The following LMX1A variants were observed in gnomAD, a reference collection of about 807,000 sequenced individuals.
LMX1A encodes LIM homeobox transcription factor 1 alpha.
Under a neutral mutation model 49.1 loss-of-function variants are expected in LMX1A, and 15 were observed. That is an observed-to-expected ratio of 0.31 (90% CI 0.20 to 0.47). LMX1A has a LOEUF of 0.47. Ranked by LOEUF, LMX1A falls within the 20% of genes least tolerant of loss-of-function variation. The probability of loss-of-function intolerance (pLI) is 1.00; values close to 1 mark genes in which losing one functional copy is unlikely to be tolerated. For synonymous variants in LMX1A, 167 were observed against 185.7 expected (o/e 0.90, Z 0.82); for missense variants, 372 against 475.8 (o/e 0.78, Z 2.03).
chr1:165,265,279 A>C (rs1456859059), intron 3 of LMX1A, among the ~76,000 whole-genome samples: 1 of 152,042 alleles, frequency 6.6e-6, no homozygotes, highest in Non-Finnish European at 1.5e-5. Flanking sequence ...TTCAGGTTCC[A>C]AGTTACAATT....
intron 3 of LMX1A, among the ~76,000 whole-genome samples, chr1:165,290,442 G>T (rs562301638): frequency 1.5e-5 from 1 of 67,222 alleles, no homozygotes; most frequent in African/African-American, 4.2e-5. Flanking sequence ...CATTGCCTTC[G>T]TGTGTGTGTG....
At chr1:165,313,107 G>T (rs1195053756) in intron 3 of LMX1A, among the ~76,000 whole-genome samples, 1 of 152,158 alleles carries the variant, frequency 6.6e-6, no homozygotes, top group Non-Finnish European at 1.5e-5. Flanking sequence ...TATGCCAATT[G>T]GAAACAATAT....
At chr1:165,311,532 C>T (rs1276023870) in intron 3 of LMX1A, among the ~76,000 whole-genome samples, 1 of 152,298 alleles carries the variant, frequency 6.6e-6, no homozygotes, top group Non-Finnish European at 1.5e-5. Context: ...CACCCTCATG[C>T]CCCTGAAGCT....
intron 5 of LMX1A, among the ~76,000 whole-genome samples, chr1:165,212,497 C>A (rs1214732932): frequency 8.1e-6 from 1 of 124,182 alleles, no homozygotes; most frequent in Non-Finnish European, 1.7e-5. Context: ...TTGTTGGGAA[C>A]CATGGTGACT....
chr1:165,281,390 A>C (rs1189659580), intron 3 of LMX1A, among the ~76,000 whole-genome samples: 1 of 152,198 alleles, frequency 6.6e-6, no homozygotes, highest in African/African-American at 2.4e-5. Flanking sequence ...AGCAAAGTCT[A>C]CTTGGACCTG....
chr1:165,276,419 A>G (rs1653969942), intron 3 of LMX1A, among the ~76,000 whole-genome samples: 1 of 152,224 alleles, frequency 6.6e-6, no homozygotes. Context: ...GGTAAAGCTC[A>G]GGCAGAAACA....
intron 3 of LMX1A, among the ~76,000 whole-genome samples, chr1:165,261,275 C>T (rs1317954992): frequency 2.0e-5 from 3 of 152,170 alleles, no homozygotes; most frequent in Non-Finnish European, 4.4e-5. Context: ...AATTTTTTAA[C>T]ACTTTTTATT....
chr1:165,227,553 G>GTACATACA (rs111962996), intron 4 of LMX1A, among the ~76,000 whole-genome samples: 303 of 150,796 alleles, frequency 2.0e-3, no homozygotes, highest in African/African-American at 5.6e-3. Context: ...TAATACATAC[G>GTACATACA]TACATACATA....
chr1:165,288,688 G>C (rs999658379), intron 3 of LMX1A, among the ~76,000 whole-genome samples: 1 of 152,188 alleles, frequency 6.6e-6, no homozygotes, highest in African/African-American at 2.4e-5. Flanking sequence ...GAGGTACACC[G>C]TGTGTGTGTG....
chr1:165,220,566 CAG>C (rs1199098210), intron 4 of LMX1A, among the ~76,000 whole-genome samples: 1 of 152,164 alleles, frequency 6.6e-6, no homozygotes, highest in African/African-American at 2.4e-5. Context: ...CCAAAAGACA[CAG>C]GGCATAGGTG....
intron 3 of LMX1A, among the ~76,000 whole-genome samples, chr1:165,291,107 C>T (rs962300643): frequency 6.6e-5 from 10 of 152,180 alleles, no homozygotes; most frequent in Non-Finnish European, 1.3e-4. Context: ...TTACCATTAA[C>T]CCTACAAACA....
intron 4 of LMX1A, among the ~76,000 whole-genome samples, chr1:165,229,103 A>G (rs528684396): frequency 6.6e-5 from 10 of 152,076 alleles, no homozygotes; most frequent in Admixed American, 1.3e-4. Flanking sequence ...AAAATATGTC[A>G]TTATTTTATG....
At chr1:165,287,241 T>C (rs1310369438) in intron 3 of LMX1A, among the ~76,000 whole-genome samples, 1 of 152,122 alleles carries the variant, frequency 6.6e-6, no homozygotes, top group Non-Finnish European at 1.5e-5. Flanking sequence ...TGAAGATGGT[T>C]CGGGGGCAGA....
At chr1:165,264,823 C>CT (rs914745878) in intron 3 of LMX1A, among the ~76,000 whole-genome samples, 1 of 152,000 alleles carries the variant, frequency 6.6e-6, no homozygotes, top group African/African-American at 2.4e-5. Flanking sequence ...GGGAGGATTA[C>CT]TTGAGCCCAG....
At chr1:165,330,892 A>C (rs1655726334) in intron 3 of LMX1A, among the ~76,000 whole-genome samples, 1 of 152,126 alleles carries the variant, frequency 6.6e-6, no homozygotes, top group Non-Finnish European at 1.5e-5. Context: ...CTACACACAT[A>C]CTCCAAGTAG....
chr1:165,240,943 C>T (rs1207684820), intron 4 of LMX1A, among the ~76,000 whole-genome samples: 1 of 152,204 alleles, frequency 6.6e-6, no homozygotes, highest in Non-Finnish European at 1.5e-5. Context: ...ATAATGACCA[C>T]TGTATGCATC....
chr1:165,323,839 G>A (rs1300611522), intron 3 of LMX1A, among the ~76,000 whole-genome samples: 1 of 124,848 alleles, frequency 8.0e-6, no homozygotes, highest in African/African-American at 2.7e-5. Flanking sequence ...GTACTAGATT[G>A]TAAAATACCA....
At chr1:165,345,666 G>T (rs535293115) in intron 3 of LMX1A, among the ~76,000 whole-genome samples, 2 of 152,154 alleles carry the variant, frequency 1.3e-5, no homozygotes, top group Non-Finnish European at 2.9e-5. Context: ...TGAGAGTTAC[G>T]CTACTCACCG....
intron 3 of LMX1A, among the ~76,000 whole-genome samples, chr1:165,254,580 G>A (rs1015312421): frequency 6.6e-6 from 1 of 152,140 alleles, no homozygotes; most frequent in East Asian, 1.9e-4. Flanking sequence ...ACAGCTGTAC[G>A]GCTACCGCTG....
Sources: gnomAD v4.1 joint callset for allele counts (sites outside exome capture counted in the v4.1 genomes callset) on GRCh38, gnomAD v4.1.1 for gene constraint, MANE v1.5 for transcripts, NCBI Gene and HGNC (gene_info 2026-07-23, HGNC 2026-07-21) for gene names.